CACNA1A: variants seen among roughly 807,000 people sequenced by gnomAD.
The protein encoded by CACNA1A is calcium voltage-gated channel subunit alpha1 A.
CACNA1A carries 57 observed loss-of-function variants against 262.4 expected under a neutral mutation model. The observed-to-expected ratio is 0.22, with a 90% CI of 0.18 to 0.27. The LOEUF is 0.27. CACNA1A is among the 10% of genes least tolerant of loss of function. CACNA1A has a pLI of 1.00. For synonymous variants in CACNA1A, 1,431 were observed against 1,419.3 expected, an observed-to-expected ratio of 1.01 and a Z score of -0.18; for missense variants, 2,526 against 3,562.8, an observed-to-expected ratio of 0.71 and a Z score of 7.41.
chr19:13,366,242 G>C (rs1009772640), intron 4 of CACNA1A: 3 of 152,090 alleles, frequency 2.0e-5, no homozygotes, highest in African/African-American at 7.2e-5. Context: ...GATTACAGAC[G>C]TGAGTCTCCA....
intron 6 of CACNA1A, among the ~76,000 whole-genome samples, chr19:13,354,186 G>C (rs2058964171): frequency 6.6e-6 from 1 of 152,164 alleles, no homozygotes; most frequent in African/African-American, 2.4e-5. Context: ...ACCCAGGTGG[G>C]AAGCCTCTGC....
rs541930207 is a variant in CACNA1A at position 13,375,747 on chromosome 19, C to A, written c.540-3968G>T. Among the ~76,000 whole-genome samples the A allele has an allele frequency of 7.2e-5, 11 of 152,198 alleles. No individual in the cohort carries two copies. The South Asian group carries it at 2.3e-3, about 32-fold the overall frequency. ...AGGCTGCAGTGAGCGGTGATTGCAC[C>A]ACTGCACTCCAGCCTGGGCAACGGA... On this transcript the variant is annotated intron_variant, in intron 3 of 46. Transcript: ENST00000360228.
chr19:13,392,185 T>C (rs1340320339), intron 3 of CACNA1A, among the ~76,000 whole-genome samples: 1 of 151,728 alleles, frequency 6.6e-6, no homozygotes, highest in Admixed American at 6.6e-5. Context: ...CACTCGAGCC[T>C]GGTCAACAAG....
rs144962357 is a variant in CACNA1A at position 13,381,624 on chromosome 19, G to A, written c.540-9845C>T. Among the ~76,000 whole-genome samples the A allele has an allele frequency of 4.8e-3, 737 of 152,284 alleles. 6 individuals are homozygous for A. The highest frequency in any genetic ancestry group is 0.015 in the African/African-American group (623 of 41,556). Reference sequence around the variant, plus strand: ...ATGTCAGGGAAAACTCTAGGCAAATGGAACAGCCGGTGCAAAGGTCCAGCT... The same window carrying A: ...ATGTCAGGGAAAACTCTAGGCAAATAGAACAGCCGGTGCAAAGGTCCAGCT... On this transcript the variant is annotated intron_variant, in intron 3 of 46. Transcript: ENST00000360228.
intron 3 of CACNA1A, among the ~76,000 whole-genome samples, chr19:13,404,187 T>C (rs1019932518): frequency 2.1e-4 from 30 of 144,944 alleles, no homozygotes; most frequent in African/African-American, 7.5e-4. Flanking sequence ...TATATACACA[T>C]ATACACACAC....
chr19:13,268,355 C>T (rs368993309), intron 24 of CACNA1A, among the ~76,000 whole-genome samples: 7 of 152,062 alleles, frequency 4.6e-5, no homozygotes, highest in Admixed American at 2.0e-4. Flanking sequence ...AAGACTTGAC[C>T]GCCATCAGAA....
At position 13,506,276 on chromosome 19, in the gene CACNA1A, ACGCCGCCGCCGC is replaced by A. The variant is rs16000; in HGVS notation, c.-64_-53del. ...TACGCTGCGGCGAACGATGCGGAAGACGCCGCCGCCGCCGCCGCCGCCGCTGATGCTGAGGCT... is the reference window on the plus strand; with the variant it reads ...TACGCTGCGGCGAACGATGCGGAAGACGCCGCCGCCGCTGATGCTGAGGCT... On this transcript the variant is annotated 5_prime_UTR_variant, in exon 1 of 47. Coordinates refer to ENST00000360228, the MANE Select transcript of CACNA1A (RefSeq NM_001127222.2). 13 of 1,354,576 alleles carry A rather than the reference ACGCCGCCGCCGC, an allele frequency of 9.6e-6. No homozygotes were observed. The highest frequency in any genetic ancestry group is 7.2e-5 in the Admixed American group (2 of 27,902). 83.9% of individuals were successfully genotyped at this position (1,354,576 alleles called of 1,614,324 possible). A position where few individuals can be genotyped will look rare whatever the true frequency, so the allele number is the denominator to read the frequency against.
In CACNA1A at chr19:13,241,936, C is replaced by G. The variant is rs888372780; in HGVS notation, c.4950+3246G>C. Among the ~76,000 whole-genome samples the G allele has an allele frequency of 3.3e-5, 5 of 152,260 alleles. No homozygotes were observed. The highest frequency in any genetic ancestry group is 1.2e-4 in the African/African-American group (5 of 41,548). On this transcript the variant is annotated intron_variant, in intron 31 of 46. Transcript: ENST00000360228. This position sits in a 1 kb window ranked among gnomAD's most constrained non-coding sequence, Gnocchi z 4.0. The stretch of plus-strand genomic sequence containing the variant: ...TAGTACTGCCGCATGCCCTCTGCCC[C>G]CTAAACCCCAGGGACCTGCCCGCCC...
chr19:13,261,623 G>A lies in CACNA1A; in HGVS notation c.4090-13C>T. 1.2e-6 allele frequency: 2 copies of A among 1,604,994 alleles called. No individual in the cohort carries two copies. The highest frequency in any genetic ancestry group is 1.7e-6 in the Non-Finnish European group (2 of 1,175,814). On this transcript the variant is annotated splice_polypyrimidine_tract_variant and intron_variant, in intron 25 of 46. Coordinates refer to ENST00000360228, the MANE Select transcript of CACNA1A (RefSeq NM_001127222.2). ...AGTCAAACACAGCCTGTGGGGTGGA[G>A]TTGACAGAGAGCATGAGGGGCTGGG...
intron 3 of CACNA1A, among the ~76,000 whole-genome samples, chr19:13,413,885 G>GAAAAGAAAAGAAAAGAAAAGA (rs1555783286): frequency 9.3e-6 from 1 of 107,702 alleles, no homozygotes; most frequent in Admixed American, 1.1e-4. Context: ...TGTCAAGAAA[G>GAAAAGAAAAGAAAAGAAAAGA]AAAGAAAGAA....
At chr19:13,459,599 T>C (rs948455655) in intron 1 of CACNA1A, among the ~76,000 whole-genome samples, 1 of 152,208 alleles carries the variant, frequency 6.6e-6, no homozygotes, top group African/African-American at 2.4e-5. Flanking sequence ...TGCCTCACCC[T>C]GCAGCCTGGA....
intron 9 of CACNA1A, among the ~76,000 whole-genome samples, chr19:13,330,987 GC>G (rs2058457861): frequency 6.6e-6 from 1 of 152,050 alleles, no homozygotes; most frequent in South Asian, 2.1e-4. Context: ...TTGGGATTCT[GC>G]CCCCATATTC....
intron 24 of CACNA1A, among the ~76,000 whole-genome samples, chr19:13,270,021 C>T (rs969985873): frequency 6.6e-6 from 1 of 152,122 alleles, no homozygotes; most frequent in Non-Finnish European, 1.5e-5. Flanking sequence ...CCCTGGATCT[C>T]GCAGCCCTGC....
At position 13,230,018 on chromosome 19, in the gene CACNA1A, G is replaced by C. The variant is rs974857269; in HGVS notation, c.5528+64C>G. ...GCTCCAGAGTCTGGGGCCTGACCTA[G>C]CCCGTGTTCCAGTTCCAGGGAGAGG... is the stretch of plus-strand genomic sequence containing the variant. On this transcript the variant is annotated intron_variant, in intron 36 of 46. Coordinates refer to ENST00000360228, the MANE Select transcript of CACNA1A (RefSeq NM_001127222.2). 9 of 1,574,218 alleles carry C rather than the reference G, an allele frequency of 5.7e-6. No individual in the cohort carries two copies. The African/African-American group carries it at 1.1e-4, about 19-fold the overall frequency.
At chr19:13,295,945 G>T (rs894435370) in intron 19 of CACNA1A, among the ~76,000 whole-genome samples, 1 of 152,158 alleles carries the variant, frequency 6.6e-6, no homozygotes, top group Non-Finnish European at 1.5e-5. Flanking sequence ...TTGCCAAGAG[G>T]TGTTCAACAT....
At chr19:13,414,878 G>A (rs1419614434) in intron 3 of CACNA1A, among the ~76,000 whole-genome samples, 4 of 151,948 alleles carry the variant, frequency 2.6e-5, no homozygotes, top group South Asian at 2.1e-4. Flanking sequence ...GGGGAGGATC[G>A]CCTGAGCCTG....
chr19:13,307,648 A>C (rs2057932039), intron 15 of CACNA1A, 134 bp downstream of exon 15: 1 of 682,206 alleles, frequency 1.5e-6, no homozygotes, highest in East Asian at 2.5e-5. Context: ...TAACCATAAA[A>C]TCTGTGTTTC....
chr19:13,491,956 AC>A (rs1980942045), intron 1 of CACNA1A, among the ~76,000 whole-genome samples: 2 of 152,144 alleles, frequency 1.3e-5, no homozygotes. Context: ...CTTATTTGGC[AC>A]CCACTGTGTG....
chr19:13,467,086 C>T (rs11878311), intron 1 of CACNA1A, among the ~76,000 whole-genome samples: 112 of 151,974 alleles, frequency 7.4e-4, no homozygotes, highest in Middle Eastern at 3.4e-3. Flanking sequence ...GGGAATGAGC[C>T]CTGTTTCTGT....
Sources: allele counts gnomAD v4.1 joint callset (sites outside exome capture counted in the v4.1 genomes callset), GRCh38; gene constraint gnomAD v4.1.1; non-coding constraint Gnocchi (gnomAD v3.1); transcripts MANE v1.5; gene names NCBI Gene and HGNC (gene_info 2026-07-23, HGNC 2026-07-21).